NSD1: variants seen among roughly 807,000 people sequenced by gnomAD.
The protein encoded by NSD1 is nuclear receptor binding SET domain protein 1.
NSD1 carries 26 observed loss-of-function variants against 242.7 expected under a neutral mutation model. The ratio of observed to expected loss-of-function variants is 0.11; its 90% CI spans 0.08 to 0.15. The LOEUF is 0.15. Ranked by LOEUF, NSD1 falls within the 10% of genes least tolerant of loss-of-function variation. The pLI, the probability that NSD1 is intolerant of heterozygous loss-of-function variation, is 1.00. For synonymous variants in NSD1, 1,106 were observed against 1,178.1 expected, an observed-to-expected ratio of 0.94 and a Z score of 1.25; for missense variants, 2,495 against 3,272.8, an observed-to-expected ratio of 0.76 and a Z score of 5.80.
chr5:177,227,072 A>G (rs1020689966), intron 5 of NSD1, among the ~76,000 whole-genome samples: 1 of 152,224 alleles, frequency 6.6e-6, no homozygotes, highest in African/African-American at 2.4e-5. Context: ...ATACATGATG[A>G]AACACATATG....
chr5:177,266,661 A>G (rs1363143422), intron 14 of NSD1: 3 of 369,738 alleles, frequency 8.1e-6, no homozygotes, highest in African/African-American at 2.1e-5. Flanking sequence ...TTAAGAGGTG[A>G]AAGAAGCACA....
At chr5:177,196,898 A>G (rs1762139030) in intron 3 of NSD1, among the ~76,000 whole-genome samples, 1 of 152,236 alleles carries the variant, frequency 6.6e-6, no homozygotes, top group African/African-American at 2.4e-5. Context: ...GGATGCCTGA[A>G]ACTGGATAGT....
rs546826786 is a variant in NSD1 at position 177,192,458 on chromosome 5, G to A, written c.1063+439G>A. ...GTTGCCCAGGCTGGAGTGCAGTGGC[G>A]TGATCTCAGCTTACCGCAACCTCTG... On this transcript the variant is annotated intron_variant, in intron 3 of 22. Transcript: ENST00000439151. 1.3e-4 allele frequency among the ~76,000 whole-genome samples: 20 copies of A among 151,996 alleles called. No homozygotes were observed. The South Asian group carries it at 1.5e-3, about 11-fold the overall frequency.
At chr5:177,223,925 A>G (rs929219726) in intron 5 of NSD1, among the ~76,000 whole-genome samples, 1 of 152,216 alleles carries the variant, frequency 6.6e-6, no homozygotes, top group East Asian at 1.9e-4. Context: ...GGTGGAGGTT[A>G]CAATGAGCTG....
Position 177,269,733 on chromosome 5 carries a change from T to C in NSD1, c.5435T>C (p.Val1812Ala). 6.2e-7 allele frequency: 1 copy of C among 1,613,992 alleles called. No homozygotes were observed. Among genetic ancestry groups the C allele is most frequent in the Non-Finnish European group, 8.5e-7 (1 of 1,180,000 alleles). ...TATTTGTGGACTCACCAGGCCCGAGTCTTCCCTTACATGGAGGGTGACGTG... is the reference window on the plus strand; with the variant it reads ...TATTTGTGGACTCACCAGGCCCGAGCCTTCCCTTACATGGAGGGTGACGTG... The part of the protein sequence containing the change: ...NDYLWTHQAR[V>A]FPYMEGDVSS... Residue 1812 changes from valine to alanine, a missense_variant, in exon 16 of 23, where the codon GTC (valine) becomes GCC (alanine). By Grantham distance (64) the Val-to-Ala change is moderately conservative. Coordinates refer to ENST00000439151, the MANE Select transcript of NSD1 (RefSeq NM_022455.5). This position sits in a 1 kb window ranked among gnomAD's most constrained non-coding sequence, Gnocchi z 5.1.
intron 8 of NSD1, among the ~76,000 whole-genome samples, chr5:177,240,338 T>C (rs1765755925): frequency 6.6e-6 from 1 of 152,172 alleles, no homozygotes; most frequent in Non-Finnish European, 1.5e-5. Context: ...CACCAGTTAA[T>C]TTTTTGTCTT....
chr5:177,152,380 T>TATTTTTTTGGAACTGCATCTC (rs1378738537), intron 2 of NSD1, among the ~76,000 whole-genome samples: 4 of 152,082 alleles, frequency 2.6e-5, no homozygotes, highest in Non-Finnish European at 5.9e-5. Context: ...TATTTATATT[T>TATTTTTTTGGAACTGCATCTC]ATTTTTTTGG....
intron 5 of NSD1, among the ~76,000 whole-genome samples, chr5:177,219,033 GTTTC>G (rs1192673884): frequency 6.6e-6 from 1 of 151,884 alleles, no homozygotes; most frequent in Non-Finnish European, 1.5e-5. Flanking sequence ...TCTAGTCTTT[GTTTC>G]TTTCCTTCTA....
At chr5:177,270,868 A>G (rs541610413) in intron 16 of NSD1, among the ~76,000 whole-genome samples, 3 of 152,326 alleles carry the variant, frequency 2.0e-5, no homozygotes, top group Admixed American at 6.5e-5. Flanking sequence ...GTTTCTGTAC[A>G]TAGATATGGG....
chr5:177,177,015 C>T (rs1431776716), intron 2 of NSD1, among the ~76,000 whole-genome samples: 1 of 152,182 alleles, frequency 6.6e-6, no homozygotes, highest in African/African-American at 2.4e-5. Context: ...GAACTGATTA[C>T]AGGTGTCACA....
At chr5:177,225,663 T>C (rs926772991) in intron 5 of NSD1, among the ~76,000 whole-genome samples, 1 of 152,240 alleles carries the variant, frequency 6.6e-6, no homozygotes, top group African/African-American at 2.4e-5. Context: ...CTGTGAATTA[T>C]TATTAATGTA....
intron 2 of NSD1, among the ~76,000 whole-genome samples, chr5:177,168,648 A>G (rs907520792): frequency 2.0e-5 from 3 of 151,828 alleles, no homozygotes; most frequent in Admixed American, 1.3e-4. Context: ...TTTAGTAGAG[A>G]TGGAGCTTCA....
chr5:177,291,793 G>T (rs1759851768), intron 21 of NSD1, among the ~76,000 whole-genome samples, 161 bp from the exon 22 acceptor site: 1 of 152,160 alleles, frequency 6.6e-6, no homozygotes, highest in Non-Finnish European at 1.5e-5. Context: ...AAAAATTATT[G>T]CTACGTATCT....
chr5:177,269,848 C>A lies in NSD1; in HGVS notation c.5509+41C>A. On this transcript the variant is annotated intron_variant, in intron 16 of 22. Transcript: ENST00000439151. The surrounding 1 kb of genome is among the most constrained non-coding windows in gnomAD (Gnocchi z 5.1). ...TTGTTTCTCAGGCAAACACAGACCT[C>A]TGTTACCTGAGTGTCTGATCTGTTT... is the stretch of plus-strand genomic sequence containing the variant. 6.6e-7 allele frequency: 1 copy of A among 1,525,398 alleles called. No individual in the cohort carries two copies. Among genetic ancestry groups the A allele is most frequent in the South Asian group, 1.2e-5 (1 of 84,706 alleles). The allele number at this position is 1,525,398 out of a possible 1,614,324, so 94.5% of individuals were successfully genotyped here. A position where few individuals can be genotyped will look rare whatever the true frequency, so the allele number is the denominator to read the frequency against.
chr5:177,174,248 G>C (rs963483178), intron 2 of NSD1, among the ~76,000 whole-genome samples: 1 of 152,126 alleles, frequency 6.6e-6, no homozygotes, highest in Non-Finnish European at 1.5e-5. Context: ...CAGCTACTTG[G>C]GATGCTGAGG....
rs1760390366 is a variant in NSD1 at position 177,298,566 on chromosome 5, G to C, written c.*3107G>C. The C allele has an allele frequency of 4.3e-6, 1 of 233,304 alleles. No homozygotes were observed. The allele number at this position is 233,304 out of a possible 1,614,324, so 14.5% of individuals were successfully genotyped here. On this transcript the variant is annotated 3_prime_UTR_variant, in exon 23 of 23. Coordinates refer to ENST00000439151, the MANE Select transcript of NSD1 (RefSeq NM_022455.5). ...TCTGCTTTACCCTGTTACTGAGTTT[G>C]AGATGACTTAAATCACTGTGTTGAC...
Position 177,244,234 on chromosome 5 carries a change from T to A in NSD1, c.4342T>A (p.Ser1448Thr). The change falls in exon 9 of 23, where the codon TCT becomes ACT. Residue 1448 changes from serine to threonine, a missense_variant. Coordinates refer to ENST00000439151, the MANE Select transcript of NSD1 (RefSeq NM_022455.5). ...AGHLENGITE[S>T]CATSYSKDFG... ...TCACCTGGAGAATGGCATAACTGAA[T>A]CTTGTGCCACATCTTATTCAAAAGA... The A allele has an allele frequency of 6.2e-7, 1 of 1,613,740 alleles. No individual in the cohort carries two copies. The highest frequency in any genetic ancestry group is 8.5e-7 in the Non-Finnish European group (1 of 1,179,788).
intron 14 of NSD1, chr5:177,265,067 A>G (rs1372489797): frequency 4.0e-6 from 3 of 756,318 alleles, no homozygotes; most frequent in African/African-American, 1.7e-5. Context: ...CTAAGAGCCA[A>G]GATAGCTTCC....
At chr5:177,278,099 G>C (rs2127252676) in intron 17 of NSD1, among the ~76,000 whole-genome samples, 1 of 152,300 alleles carries the variant, frequency 6.6e-6, no homozygotes, top group Admixed American at 6.5e-5. Flanking sequence ...TTAGCAAGAA[G>C]TTTCCAAACC....
Sources: allele counts gnomAD v4.1 joint callset (sites outside exome capture counted in the v4.1 genomes callset), GRCh38; gene constraint gnomAD v4.1.1; non-coding constraint Gnocchi (gnomAD v3.1); transcripts MANE v1.5; gene names NCBI Gene and HGNC (gene_info 2026-07-23, HGNC 2026-07-21).